Variants in SAMD12 observed in about 807,000 individuals in gnomAD.
SAMD12 encodes the protein sterile alpha motif domain containing 12.
A neutral mutation model predicts 15.0 loss-of-function variants in SAMD12; 9 were observed. The observed-to-expected ratio is 0.60, with a 90% CI of 0.36 to 1.05. The LOEUF (loss-of-function observed/expected upper bound fraction) is 1.05, where lower values mean the gene tolerates loss of function less well. Among genes scored for constraint, SAMD12 ranks in the 50% least tolerant of loss-of-function variants. The pLI, the probability that SAMD12 is intolerant of heterozygous loss-of-function variation, is 0.01. For missense variants in SAMD12, 230 were observed against 234.2 expected, an observed-to-expected ratio of 0.98 and a Z score of 0.12; for synonymous variants, 86 against 90.1, an observed-to-expected ratio of 0.96 and a Z score of 0.25.
At chr8:118,586,452 T>C (rs1158388415) in intron 1 of SAMD12, among the ~76,000 whole-genome samples, 1 of 151,586 alleles carries the variant, frequency 6.6e-6, no homozygotes, top group Non-Finnish European at 1.5e-5. Context: ...AAGTGTTCCT[T>C]CCACCTCAGC....
chr8:118,295,435 A>C (rs1044017849), intron 4 of SAMD12, among the ~76,000 whole-genome samples: 1 of 152,202 alleles, frequency 6.6e-6, no homozygotes, highest in Non-Finnish European at 1.5e-5. Flanking sequence ...AGATAAGATC[A>C]TGTCCAAACT....
intron 2 of SAMD12, among the ~76,000 whole-genome samples, chr8:118,549,910 C>A (rs1050909243): frequency 6.6e-6 from 1 of 151,702 alleles, no homozygotes. Flanking sequence ...ATGCGATCAA[C>A]TGGAAAAAAG....
At chr8:118,349,431 C>A (rs1001010938) in intron 4 of SAMD12, among the ~76,000 whole-genome samples, 2 of 152,198 alleles carry the variant, frequency 1.3e-5, no homozygotes, top group African/African-American at 4.8e-5. Flanking sequence ...GAATACAGAA[C>A]TTTGAAAGGG....
chr8:118,490,048 T>C (rs997731299), intron 2 of SAMD12, among the ~76,000 whole-genome samples: 1 of 152,158 alleles, frequency 6.6e-6, no homozygotes, highest in Non-Finnish European at 1.5e-5. Flanking sequence ...AAAAGGCAGA[T>C]AGGAAAGGTC....
intron 2 of SAMD12, among the ~76,000 whole-genome samples, chr8:118,497,494 C>T (rs1198209759): frequency 6.6e-6 from 1 of 152,108 alleles, no homozygotes; most frequent in Non-Finnish European, 1.5e-5. Context: ...CATGTTCTCA[C>T]TTATAAGTGG....
chr8:118,337,874 A>G (rs562716011), intron 4 of SAMD12, among the ~76,000 whole-genome samples: 1 of 152,368 alleles, frequency 6.6e-6, no homozygotes, highest in South Asian at 2.1e-4. Flanking sequence ...AACAACAAAA[A>G]AAATGTATGC....
At chr8:118,522,549 G>A (rs1248098813) in intron 2 of SAMD12, among the ~76,000 whole-genome samples, 2 of 152,060 alleles carry the variant, frequency 1.3e-5, no homozygotes, top group Admixed American at 1.3e-4. Flanking sequence ...CATTTCACAA[G>A]GAAAGAGACA....
At chr8:118,589,971 C>T (rs1827543958) in intron 1 of SAMD12, among the ~76,000 whole-genome samples, 1 of 152,020 alleles carries the variant, frequency 6.6e-6, no homozygotes, top group African/African-American at 2.4e-5. Context: ...AAACATAAGA[C>T]AACTGAATGG....
intron 3 of SAMD12, among the ~76,000 whole-genome samples, chr8:118,418,574 C>T (rs1821833549): frequency 6.6e-6 from 1 of 152,076 alleles, no homozygotes; most frequent in Admixed American, 6.6e-5. Flanking sequence ...AAAAAATTAG[C>T]AGAGCGTGGT....
intron 2 of SAMD12, among the ~76,000 whole-genome samples, chr8:118,486,067 T>C (rs980325779): frequency 1.3e-5 from 2 of 152,116 alleles, no homozygotes; most frequent in Admixed American, 1.3e-4. Flanking sequence ...ATGATTAAGA[T>C]TAAGGACCTC....
At chr8:118,256,037 C>A (rs971504495) in intron 4 of SAMD12, among the ~76,000 whole-genome samples, 1 of 152,074 alleles carries the variant, frequency 6.6e-6, no homozygotes, top group Admixed American at 6.6e-5. Context: ...ACTTTTTAAT[C>A]ATTGCCATTC....
At chr8:118,230,449 A>T (rs17507740) in intron 4 of SAMD12, among the ~76,000 whole-genome samples, 63 of 152,260 alleles carry the variant, frequency 4.1e-4, no homozygotes, top group African/African-American at 1.4e-3. Flanking sequence ...AGGACATATG[A>T]AATCAGAATT....
At chr8:118,462,407 T>C (rs544898613) in intron 2 of SAMD12, among the ~76,000 whole-genome samples, 1 of 152,338 alleles carries the variant, frequency 6.6e-6, no homozygotes, top group Admixed American at 6.5e-5. Context: ...ATGTCAATTA[T>C]ATTTAAGGGA....
chr8:118,347,928 T>A (rs1817749779), intron 4 of SAMD12, among the ~76,000 whole-genome samples: 1 of 152,202 alleles, frequency 6.6e-6, no homozygotes, highest in South Asian at 2.1e-4. Context: ...ACGCACTGAA[T>A]CTGACTGCCG....
chr8:118,543,327 C>T (rs1332891801), intron 2 of SAMD12, among the ~76,000 whole-genome samples: 1 of 152,218 alleles, frequency 6.6e-6, no homozygotes, highest in African/African-American at 2.4e-5. Context: ...ATCTCAATTA[C>T]TGATCTATCT....
At chr8:118,419,123 T>C (rs1821870454) in intron 3 of SAMD12, among the ~76,000 whole-genome samples, 2 of 152,200 alleles carry the variant, frequency 1.3e-5, no homozygotes, top group South Asian at 4.1e-4. Context: ...GAAGGCTCTA[T>C]TCTAGTCAAC....
chr8:118,579,010 T>A (rs1391116818), intron 2 of SAMD12, among the ~76,000 whole-genome samples: 1 of 152,174 alleles, frequency 6.6e-6, no homozygotes, highest in African/African-American at 2.4e-5. Context: ...GCAAAGGAAC[T>A]ATAAAATGCT....
At chr8:118,414,275 G>A (rs1269616398) in intron 3 of SAMD12, among the ~76,000 whole-genome samples, 1 of 152,134 alleles carries the variant, frequency 6.6e-6, no homozygotes, top group Non-Finnish European at 1.5e-5. Context: ...ACCATAACAA[G>A]TGTTACTCTG....
At chr8:118,164,519 T>C in the SAMD12 span, among the ~76,000 whole-genome samples, 1 of 152,314 alleles carries the variant, frequency 6.6e-6, no homozygotes, top group East Asian at 1.9e-4. Flanking sequence ...TTTTAGTTTA[T>C]TTTCAAGCTC....
Sources: gnomAD v4.1 joint callset for allele counts (sites outside exome capture counted in the v4.1 genomes callset) on GRCh38, gnomAD v4.1.1 for gene constraint, MANE v1.5 for transcripts, NCBI Gene and HGNC (gene_info 2026-07-23, HGNC 2026-07-21) for gene names.